The following CCDC150 variants were observed in gnomAD, a reference collection of about 807,000 sequenced individuals.
CCDC150 encodes the protein coiled-coil domain-containing protein 150.
In CCDC150, 151 loss-of-function variants were observed where a neutral mutation model predicts 156.5. The ratio of observed to expected loss-of-function variants is 0.97; its 90% CI spans 0.85 to 1.10. The LOEUF is 1.10. Ranked by LOEUF, CCDC150 falls within the 50% of genes least tolerant of loss-of-function variation. The pLI is 0.00. For missense variants in CCDC150, 1,312 were observed against 1,268.1 expected (o/e 1.03, Z -0.53); for synonymous variants, 452 against 429.4 (o/e 1.05, Z -0.65).
intron 13 of CCDC150, among the ~76,000 whole-genome samples, chr2:196,687,948 A>T (rs964825027): frequency 6.6e-6 from 1 of 152,100 alleles, no homozygotes; most frequent in Non-Finnish European, 1.5e-5. Context: ...ATTCTGTTCC[A>T]TTGGTCTATG....
chr2:196,671,605 T>C (rs1020977377), intron 8 of CCDC150, among the ~76,000 whole-genome samples: 3 of 151,842 alleles, frequency 2.0e-5, no homozygotes, highest in African/African-American at 7.3e-5. Flanking sequence ...TTTTTGTATT[T>C]TTTAGTAGAG....
rs1698277383 is a variant in CCDC150 at position 196,727,520 on chromosome 2, T to C, written c.2556+1421T>C. On this transcript the variant is annotated intron_variant, in intron 22 of 27. Transcript: ENST00000389175. ...TGGCTGGTCTGTGTTTCACCAAATT[T>C]GTTACGTTTAGTAGTTGCAATTGAC... The C allele has an allele frequency of 2.6e-5, 4 of 152,218 alleles. No individual in the cohort carries two copies. The South Asian group carries it at 8.3e-4, about 32-fold the overall frequency. The allele number at this position is 152,218 out of a possible 1,614,324, so 9.4% of individuals were successfully genotyped here. A position where few individuals can be genotyped will look rare whatever the true frequency, so the allele number is the denominator to read the frequency against.
chr2:196,677,117 C>T (rs1694552472), intron 12 of CCDC150, 176 bp from the exon 13 acceptor site: 1 of 706,048 alleles, frequency 1.4e-6, no homozygotes, highest in Admixed American at 2.0e-5. Context: ...AATTTCAGGG[C>T]TATTTGTGAA....
intron 1 of CCDC150, among the ~76,000 whole-genome samples, chr2:196,642,981 G>A (rs570092014): frequency 1.3e-5 from 2 of 152,274 alleles, no homozygotes; most frequent in South Asian, 4.1e-4. Context: ...GGCCTCAAGT[G>A]ATCCTCCCAC....
chr2:196,676,401 A>C (rs921636642), intron 11 of CCDC150, 134 bp downstream of exon 11: 1 of 1,341,128 alleles, frequency 7.5e-7, no homozygotes, highest in African/African-American at 1.5e-5. Context: ...CAGAGCTAAA[A>C]TAAAGACTCT....
intron 14 of CCDC150, among the ~76,000 whole-genome samples, chr2:196,699,091 A>C (rs1210307272): frequency 6.6e-6 from 1 of 152,232 alleles, no homozygotes. Flanking sequence ...AAATTAATCA[A>C]TGATGAACTA....
In CCDC150 at chr2:196,676,046, T is replaced by C. The variant is rs969842904; in HGVS notation, c.1138-97T>C. Reference sequence around the variant, plus strand: ...ATTTATGTAAATGAAACTTGTTTTTTTAAGTTAGTTCAGTGTTTTTGATCA... The same window carrying C: ...ATTTATGTAAATGAAACTTGTTTTTCTAAGTTAGTTCAGTGTTTTTGATCA... On this transcript the variant is annotated intron_variant, in intron 10 of 27. Coordinates refer to ENST00000389175, the MANE Select transcript of CCDC150 (RefSeq NM_001080539.2). 33 of 1,166,774 alleles carry C rather than the reference T, an allele frequency of 2.8e-5. No individual in the cohort carries two copies. The African/African-American group carries it at 4.8e-4, about 17-fold the overall frequency. The allele number at this position is 1,166,774 out of a possible 1,614,324, so 72.3% of individuals were successfully genotyped here.
At chr2:196,681,196 T>C (rs986517022) in intron 13 of CCDC150, among the ~76,000 whole-genome samples, 6 of 152,228 alleles carry the variant, frequency 3.9e-5, no homozygotes, top group African/African-American at 1.4e-4. Flanking sequence ...TTTATATAAA[T>C]ATAATCATAC....
At chr2:196,722,358 C>T (rs1697972025) in intron 21 of CCDC150, among the ~76,000 whole-genome samples, 1 of 152,098 alleles carries the variant, frequency 6.6e-6, no homozygotes, top group Non-Finnish European at 1.5e-5. Flanking sequence ...TCACTGCAGC[C>T]TCTACTTCCT....
At chr2:196,718,097 T>C (rs187220296) in intron 17 of CCDC150, among the ~76,000 whole-genome samples, 1 of 152,362 alleles carries the variant, frequency 6.6e-6, no homozygotes, top group Admixed American at 6.5e-5. Context: ...CATTCTGCTG[T>C]AACACTGTTT....
At chr2:196,680,445 A>G (rs1468690139) in intron 13 of CCDC150, among the ~76,000 whole-genome samples, 1 of 151,940 alleles carries the variant, frequency 6.6e-6, no homozygotes, top group Non-Finnish European at 1.5e-5. Flanking sequence ...GGGACTGCAG[A>G]TGCATGCCAC....
chr2:196,670,150 A>G (rs557978508), intron 8 of CCDC150, among the ~76,000 whole-genome samples: 44 of 152,216 alleles, frequency 2.9e-4, no homozygotes, highest in Non-Finnish European at 5.0e-4. Context: ...AATAAACTTA[A>G]TGAAATGTAA....
At chr2:196,724,521 T>C (rs1364366021) in intron 21 of CCDC150, among the ~76,000 whole-genome samples, 1 of 152,194 alleles carries the variant, frequency 6.6e-6, no homozygotes, top group African/African-American at 2.4e-5. Flanking sequence ...CATTATTTCC[T>C]TTAGTACAAA....
chr2:196,685,804 GAGGTTTCA>G (rs1410053825), intron 13 of CCDC150, among the ~76,000 whole-genome samples: 3 of 151,874 alleles, frequency 2.0e-5, no homozygotes, highest in Non-Finnish European at 4.4e-5. Context: ...TAGTAGAGAC[GAGGTTTCA>G]CCTTGTTATC....
At chr2:196,657,391 T>A in intron 4 of CCDC150, 1 of 402,866 alleles carries the variant, frequency 2.5e-6, no homozygotes, top group Non-Finnish European at 4.6e-6. Flanking sequence ...TCCAGAGGTA[T>A]GAGATAGAGC....
chr2:196,728,165 G>A (rs1698321347), intron 22 of CCDC150, among the ~76,000 whole-genome samples: 1 of 152,152 alleles, frequency 6.6e-6, no homozygotes, highest in Non-Finnish European at 1.5e-5. Context: ...TTTGTCTTGA[G>A]TATTAAATTG....
chr2:196,663,593 G>A (rs577786765), intron 5 of CCDC150, among the ~76,000 whole-genome samples: 6 of 152,048 alleles, frequency 3.9e-5, no homozygotes, highest in Non-Finnish European at 7.4e-5. Flanking sequence ...CTACTCACAA[G>A]TATGTTCAGG....
intron 13 of CCDC150, among the ~76,000 whole-genome samples, chr2:196,688,375 T>G (rs77203450): frequency 6.6e-6 from 1 of 152,176 alleles, no homozygotes; most frequent in East Asian, 1.9e-4. Context: ...GAATGGGAGT[T>G]CATTCATGAT....
intron 13 of CCDC150, among the ~76,000 whole-genome samples, chr2:196,692,805 G>C (rs979609861): frequency 6.6e-6 from 1 of 152,150 alleles, no homozygotes; most frequent in Non-Finnish European, 1.5e-5. Flanking sequence ...TGTTGTTTTG[G>C]GGTGGGGAGA....
Sources: allele counts gnomAD v4.1 joint callset (sites outside exome capture counted in the v4.1 genomes callset), GRCh38; gene constraint gnomAD v4.1.1; transcripts MANE v1.5; gene names NCBI Gene and HGNC (gene_info 2026-07-23, HGNC 2026-07-21).